BEX2: variants seen among roughly 807,000 people sequenced by gnomAD.
BEX2 encodes brain expressed X-linked 2.
In BEX2, 2 loss-of-function variants were observed where a neutral mutation model predicts 4.1. The observed-to-expected ratio is 0.49, with a 90% CI of 0.20 to 1.53. The LOEUF (loss-of-function observed/expected upper bound fraction) is 1.53. Ranked by LOEUF, BEX2 falls within the 40% of genes most tolerant of loss-of-function variation. The probability of loss-of-function intolerance (pLI) is 0.23; values close to 1 mark genes in which losing one functional copy is unlikely to be tolerated. For synonymous variants in BEX2, 34 were observed against 35.9 expected, an observed-to-expected ratio of 0.95 and a Z score of 0.19; for missense variants, 94 against 99.9, an observed-to-expected ratio of 0.94 and a Z score of 0.25.
rs774206281 is a variant in BEX2 at position 103,309,565 on chromosome X, T to C, written c.*25A>G. Reference sequence around the variant, plus strand: ...AGTTTAGGAAGCAGGGGTCTCCCTATTAACTTCAGGGAAACCATCAGGATT... The same window carrying C: ...AGTTTAGGAAGCAGGGGTCTCCCTACTAACTTCAGGGAAACCATCAGGATT... On this transcript the variant is annotated 3_prime_UTR_variant, in exon 3 of 3. Coordinates refer to ENST00000372677, the MANE Select transcript of BEX2 (RefSeq NM_032621.4). 1.1e-5 allele frequency: 13 copies of C among 1,202,034 alleles called. No individual in the cohort carries two copies. Among genetic ancestry groups the C allele is most frequent in the African/African-American group, 1.8e-5 (1 of 56,484 alleles).
intron 1 of BEX2, 197 bp downstream of exon 1, chrX:103,310,663 G>C (rs1178852820): frequency 2.2e-5 from 25 of 1,119,595 alleles, no homozygotes; most frequent in Non-Finnish European, 2.8e-5. Context: ...GCTTCCGAAA[G>C]GTCGTAGCCT....
chrX:103,310,710 C>T (rs1926177238), intron 1 of BEX2, 150 bp downstream of exon 1: 1 of 951,142 alleles, frequency 1.1e-6, no homozygotes, highest in African/African-American at 1.9e-5. Flanking sequence ...GGCACCCCTC[C>T]GCTCACACAA....
intron 1 of BEX2, 123 bp downstream of exon 1, chrX:103,310,737 G>A (rs1482897301): frequency 1.3e-6 from 1 of 774,651 alleles, no homozygotes; most frequent in East Asian, 3.6e-5. Context: ...CGGTCCCGCG[G>A]CGGGGCCCCG....
chrX:103,310,547 GC>G (rs1569312600), intron 1 of BEX2, 114 bp from the exon 2 acceptor site: 7 of 1,148,384 alleles, frequency 6.1e-6, no homozygotes, highest in East Asian at 3.3e-5. Context: ...AGCCGCTCTC[GC>G]CCCCCGCCTC....
At chrX:103,310,506 C>T (rs1834857817) in intron 1 of BEX2, 73 bp from the exon 2 acceptor site, 1 of 1,147,488 alleles carries the variant, frequency 8.7e-7, no homozygotes, top group Non-Finnish European at 1.2e-6. Flanking sequence ...CGCCACCCGG[C>T]CCCTTCCCCA....
chrX:103,310,480 G>T, intron 1 of BEX2, 47 bp from the exon 2 acceptor site: 1 of 1,150,844 alleles, frequency 8.7e-7, no homozygotes. Context: ...GCAGCGGAAC[G>T]CTAGAGAGGA....
At chrX:103,310,654 C>CT in intron 1 of BEX2, 1 of 1,141,030 alleles carries the variant, frequency 8.8e-7, no homozygotes. Context: ...GAGGCAGGTG[C>CT]TTCCGAAAGG....
rs2246252 is a variant in BEX2 at position 103,310,275 on chromosome X, G to A, written c.-6+83C>T. On this transcript the variant is annotated intron_variant, in intron 2 of 2. Transcript: ENST00000372677. ...GTGGGGGTGGGGGATTGCTAAGTGT[G>A]GGGGTGAAGGCACGGATTGGGGTCT... 9 of 1,016,991 alleles carry A rather than the reference G, an allele frequency of 8.8e-6. No homozygotes were observed. The South Asian group carries it at 1.3e-4, about 15-fold the overall frequency. The allele number at this position is 1,016,991 out of a possible 1,213,427, so 83.8% of individuals were successfully genotyped here. A position where few individuals can be genotyped will look rare whatever the true frequency, so the allele number is the denominator to read the frequency against.
chrX:103,310,750 G>A (rs1297814224), intron 1 of BEX2, 110 bp downstream of exon 1: 18 of 642,455 alleles, frequency 2.8e-5, no homozygotes, highest in Non-Finnish European at 4.1e-5. Context: ...GGGCCCCGGG[G>A]CTGCATCGTG....
In BEX2 at chrX:103,309,994, G is replaced by C; in HGVS notation, c.-5-13C>G. ...GACTCCATTACTCCTAGGAGACAGA[G>C]AGAAAATGGACTCAATTCTTGGTGA... On this transcript the variant is annotated splice_polypyrimidine_tract_variant and intron_variant, in intron 2 of 2. Coordinates refer to ENST00000372677, the MANE Select transcript of BEX2 (RefSeq NM_032621.4). The C allele has an allele frequency of 8.4e-7, 1 of 1,186,764 alleles. No individual in the cohort carries two copies. The highest frequency in any genetic ancestry group is 1.1e-6 in the Non-Finnish European group (1 of 883,604).
chrX:103,310,137 T>C (rs1301541033), intron 2 of BEX2, among the ~76,000 whole-genome samples, 156 bp from the exon 3 acceptor site: 1 of 110,147 alleles, frequency 9.1e-6, no homozygotes, highest in African/African-American at 3.3e-5. Flanking sequence ...CCATGTACCC[T>C]CGGGGGGGCG....
chrX:103,310,031 C>A (rs934978918), intron 2 of BEX2, 50 bp from the exon 3 acceptor site: 5 of 1,124,548 alleles, frequency 4.4e-6, no homozygotes, highest in Non-Finnish European at 4.7e-6. Context: ...CTGATCAGCA[C>A]CGAGGACAGA....
chrX:103,309,858 G>T lies in BEX2; in HGVS notation c.119C>A (p.Pro40His). The change falls in exon 3 of 3, where the codon CCT becomes CAT. Residue 40 changes from proline (P) to histidine (H), a missense_variant. Pro to His is a moderately conservative substitution (Grantham distance 77). Coordinates refer to ENST00000372677, the MANE Select transcript of BEX2 (RefSeq NM_032621.4). The stretch of plus-strand genomic sequence containing the variant: ...CACACAGTATTCACTAACATTCAAA[G>T]GTAGGGCCAAGGGCTCCCCTTTATT... Reference protein sequence around the residue: ...VANKGEPLALPLNVSEYCVPR... With the variant: ...VANKGEPLALHLNVSEYCVPR... The T allele has an allele frequency of 8.3e-7, 1 of 1,211,902 alleles. No individual in the cohort carries two copies. The highest frequency in any genetic ancestry group is 1.1e-6 in the Non-Finnish European group (1 of 895,573).
At chrX:103,310,220 G>T in intron 2 of BEX2, 138 bp downstream of exon 2, 1 of 780,974 alleles carries the variant, frequency 1.3e-6, no homozygotes, top group Non-Finnish European at 1.8e-6. Flanking sequence ...CCAGGCCTCT[G>T]CAGGCACCAA....
rs181583504 is a variant in BEX2, at chrX:103,310,285, G to A, written c.-6+73C>T. ...GGGATTGCTAAGTGTGGGGGTGAAG[G>A]CACGGATTGGGGTCTCAGACTGGGC... is the stretch of plus-strand genomic sequence containing the variant. On this transcript the variant is annotated intron_variant, in intron 2 of 2. Coordinates refer to ENST00000372677, the MANE Select transcript of BEX2 (RefSeq NM_032621.4). 3 of 1,046,298 alleles carry A rather than the reference G, an allele frequency of 2.9e-6. No individual in the cohort carries two copies. The African/African-American group carries it at 5.6e-5, about 20-fold the overall frequency. 86.2% of individuals were successfully genotyped at this position (1,046,298 alleles called of 1,213,427 possible). A position where few individuals can be genotyped will look rare whatever the true frequency, so the allele number is the denominator to read the frequency against.
chrX:103,310,042 G>A (rs966881082), intron 2 of BEX2, 61 bp from the exon 3 acceptor site: 1 of 1,086,577 alleles, frequency 9.2e-7, no homozygotes, highest in African/African-American at 1.9e-5. Context: ...CGAGGACAGA[G>A]GCCCGACTAC....
rs1056927402 is a variant in BEX2, at chrX:103,310,963, G to C, written c.-185C>G. The C allele has an allele frequency of 5.4e-6, 1 of 185,486 alleles. No homozygotes were observed. The highest frequency in any genetic ancestry group is 3.1e-5 in the African/African-American group (1 of 32,526). 15.3% of individuals were successfully genotyped at this position (185,486 alleles called of 1,213,427 possible). A position where few individuals can be genotyped will look rare whatever the true frequency, so the allele number is the denominator to read the frequency against. ...GCCGAGAAGGGAGCGAGCGACGGCG[G>C]TTCTGACGCCACAACGAGGTAAGAC... On this transcript the variant is annotated 5_prime_UTR_variant, in exon 1 of 3. Transcript: ENST00000372677.
At chrX:103,310,611 G>A in intron 1 of BEX2, 178 bp from the exon 2 acceptor site, 2 of 1,155,915 alleles carry the variant, frequency 1.7e-6, no homozygotes, top group Non-Finnish European at 2.3e-6. Context: ...GAAGGGCGGA[G>A]CAGGGGTGTT....
rs1263707844 is a variant in BEX2, at chrX:103,309,882, T to C, written c.95A>G (p.Asn32Ser). Residue 32 changes from asparagine to serine, a missense_variant, in exon 3 of 3, where the codon AAT (asparagine) becomes AGT (serine). Coordinates refer to ENST00000372677, the MANE Select transcript of BEX2 (RefSeq NM_032621.4). ...DEKDEKEQVA[N>S]KGEPLALPLN... ...AGGTAGGGCCAAGGGCTCCCCTTTA[T>C]TAGCAACTTGCTCCTTTTCATCTTT... The C allele has an allele frequency of 1.7e-6, 2 of 1,211,972 alleles. No homozygotes were observed. Among genetic ancestry groups the C allele is most frequent in the South Asian group, 3.5e-5 (2 of 56,979 alleles).
Sources: allele counts gnomAD v4.1 joint callset (sites outside exome capture counted in the v4.1 genomes callset), GRCh38; gene constraint gnomAD v4.1.1; transcripts MANE v1.5; gene names NCBI Gene and HGNC (gene_info 2026-07-23, HGNC 2026-07-21).